The following KLC1 variants were observed in gnomAD, a reference collection of about 807,000 sequenced individuals.
KLC1 encodes kinesin 2 60/70kDa.
KLC1 carries 30 observed loss-of-function variants against 84.2 expected under a neutral mutation model. The ratio of observed to expected loss-of-function variants is 0.36; its 90% CI spans 0.27 to 0.48. The LOEUF (loss-of-function observed/expected upper bound fraction) is 0.48, where lower values mean the gene tolerates loss of function less well. Ranked by LOEUF, KLC1 falls within the 20% of genes least tolerant of loss-of-function variation. KLC1 has a pLI of 0.99. For synonymous variants in KLC1, 289 were observed against 293.3 expected, an observed-to-expected ratio of 0.99 and a Z score of 0.15; for missense variants, 499 against 805.4, an observed-to-expected ratio of 0.62 and a Z score of 4.60.
intron 1 of KLC1, among the ~76,000 whole-genome samples, chr14:103,640,941 C>A (rs1486531349): frequency 2.0e-5 from 3 of 149,340 alleles, no homozygotes; most frequent in Non-Finnish European, 4.5e-5. Context: ...TTTTTTTTTT[C>A]TTTTGAGACA....
intron 1 of KLC1, among the ~76,000 whole-genome samples, chr14:103,645,780 C>CA (rs1567011402): frequency 7.0e-6 from 1 of 141,880 alleles, no homozygotes; most frequent in Non-Finnish European, 1.5e-5. Context: ...TTTTTTGAGA[C>CA]AGAGTCTCGC....
At chr14:103,695,507 G>A in intron 15 of KLC1, 2 of 985,340 alleles carry the variant, frequency 2.0e-6, no homozygotes, top group Non-Finnish European at 2.4e-6. Flanking sequence ...CAGGGAGGAG[G>A]GCTCCGGAGC....
At chr14:103,697,088 C>T in intron 15 of KLC1, 1 of 985,402 alleles carries the variant, frequency 1.0e-6, no homozygotes. Flanking sequence ...CATGTCTTGC[C>T]TAGAAAAGCA....
chr14:103,643,653 C>T (rs1272402433), intron 1 of KLC1, among the ~76,000 whole-genome samples: 1 of 152,186 alleles, frequency 6.6e-6, no homozygotes, highest in East Asian at 1.9e-4. Flanking sequence ...GTTGACCGGG[C>T]ATGGTGGCTC....
chr14:103,685,200 C>G, intron 13 of KLC1: 1 of 1,424,462 alleles, frequency 7.0e-7, no homozygotes, highest in African/African-American at 1.4e-5. Context: ...TTTTAAAGTC[C>G]GTGGTTTCCT....
intron 1 of KLC1, among the ~76,000 whole-genome samples, chr14:103,646,542 ACT>A (rs1180077276): frequency 6.6e-6 from 1 of 151,788 alleles, no homozygotes; most frequent in Non-Finnish European, 1.5e-5. Context: ...ACAAGGTCTC[ACT>A]CTGTCACCCA....
intron 1 of KLC1, among the ~76,000 whole-genome samples, chr14:103,646,185 T>C (rs546073749): frequency 6.6e-6 from 1 of 152,366 alleles, no homozygotes; most frequent in East Asian, 1.9e-4. Context: ...GCGTCATATC[T>C]ATCAGGGAGT....
intron 15 of KLC1, chr14:103,698,555 G>A: frequency 1.8e-6 from 1 of 564,322 alleles, no homozygotes; most frequent in South Asian, 2.0e-5. Context: ...CAGCAGTGGG[G>A]ACCAGGTACC....
chr14:103,682,756 ATATATATATG>A (rs959569901), intron 13 of KLC1: 7 of 151,328 alleles, frequency 4.6e-5, no homozygotes, highest in Non-Finnish European at 8.8e-5. Context: ...TCAATTATAT[ATATATATATG>A]TATATGTATG....
At chr14:103,698,524 A>G in intron 15 of KLC1, 1 of 509,154 alleles carries the variant, frequency 2.0e-6, no homozygotes, top group Non-Finnish European at 3.6e-6. Flanking sequence ...CCTGAGAATC[A>G]CCTCTCCCCA....
At position 103,670,233 on chromosome 14, in the gene KLC1, T is replaced by C; in HGVS notation, c.937T>C (p.Tyr313His). 1 of 1,613,494 alleles carries C rather than the reference T, an allele frequency of 6.2e-7. No homozygotes were observed. Among genetic ancestry groups the C allele is most frequent in the Non-Finnish European group, 8.5e-7 (1 of 1,179,620 alleles). ...AGTCCTTTATGGTAAAAGAGGGAAG[T>C]ACAAAGAAGCAGAGCCGTTGTGTAA... is the stretch of plus-strand genomic sequence containing the variant. ...LAVLYGKRGK[Y>H]KEAEPLCKRA... Residue 313 changes from tyrosine to histidine, a missense_variant, in exon 7 of 17, where the codon TAC becomes CAC. Transcript: ENST00000334553.
chr14:103,649,820 G>A (rs536372098), intron 1 of KLC1, among the ~76,000 whole-genome samples: 67 of 151,702 alleles, frequency 4.4e-4, no homozygotes, highest in African/African-American at 1.1e-3. Context: ...CTCAGCCTCC[G>A]GAGTAGCTGG....
intron 1 of KLC1, among the ~76,000 whole-genome samples, chr14:103,644,820 G>T (rs916563042): frequency 1.2e-4 from 18 of 152,180 alleles, no homozygotes; most frequent in Non-Finnish European, 4.4e-5. Flanking sequence ...GGGGGGTCAA[G>T]TTCTACCTTT....
intron 3 of KLC1, among the ~76,000 whole-genome samples, chr14:103,659,735 C>G (rs1034579708): frequency 6.6e-6 from 1 of 152,178 alleles, no homozygotes; most frequent in Non-Finnish European, 1.5e-5. Flanking sequence ...GTAGCACCAG[C>G]AAACCTGCAT....
intron 1 of KLC1, among the ~76,000 whole-genome samples, chr14:103,637,572 TA>T (rs1330860595): frequency 2.6e-5 from 4 of 152,148 alleles, no homozygotes; most frequent in African/African-American, 9.7e-5. Flanking sequence ...TTTTATCTTT[TA>T]TTTTTTGTTG....
intron 13 of KLC1, chr14:103,685,365 T>C (rs774421646): frequency 2.0e-5 from 25 of 1,225,602 alleles, no homozygotes; most frequent in Non-Finnish European, 2.4e-5. Context: ...TTCTAATACG[T>C]TGCCAATCTT....
chr14:103,691,779 T>C (rs1417194310), intron 14 of KLC1, among the ~76,000 whole-genome samples: 1 of 152,036 alleles, frequency 6.6e-6, no homozygotes, highest in Non-Finnish European at 1.5e-5. Flanking sequence ...TGTTTCGTTT[T>C]GTTTTAAAGA....
At chr14:103,666,125 G>A (rs528548970) in intron 5 of KLC1, among the ~76,000 whole-genome samples, 4 of 151,852 alleles carry the variant, frequency 2.6e-5, no homozygotes, top group Admixed American at 6.6e-5. Flanking sequence ...GTGCAGTGGC[G>A]TTGTCTGGGC....
chr14:103,693,276 G>A lies in KLC1; in HGVS notation c.1848+851G>A, dbSNP rs937585101. 1.3e-5 allele frequency among the ~76,000 whole-genome samples: 2 copies of A among 152,062 alleles called. No homozygotes were observed. Among genetic ancestry groups the A allele is most frequent in the African/African-American group, 4.8e-5 (2 of 41,422 alleles). On this transcript the variant is annotated intron_variant, in intron 15 of 16. Coordinates refer to ENST00000334553, the MANE Select transcript of KLC1 (RefSeq NM_001394837.1). This position sits in a 1 kb window ranked among gnomAD's most constrained non-coding sequence, Gnocchi z 5.1. The stretch of plus-strand genomic sequence containing the variant: ...CTTTTCCCCAGCCCCCTTCTCGGTG[G>A]CTGTTAAAGAGGCTTGTAGGGTGCT...
Sources: gnomAD v4.1 joint callset for allele counts (sites outside exome capture counted in the v4.1 genomes callset) on GRCh38, gnomAD v4.1.1 for gene constraint, Gnocchi (gnomAD v3.1) non-coding constraint, MANE v1.5 for transcripts, NCBI Gene and HGNC (gene_info 2026-07-23, HGNC 2026-07-21) for gene names.